The following GLT8D2 variants were observed in gnomAD, a reference collection of about 807,000 sequenced individuals.
The protein encoded by GLT8D2 is glycosyltransferase 8 domain-containing protein 2.
A neutral mutation model predicts 44.5 loss-of-function variants in GLT8D2; 45 were observed. The ratio of observed to expected loss-of-function variants is 1.01; its 90% CI spans 0.80 to 1.30. GLT8D2 has a LOEUF of 1.30. Among genes scored for constraint, GLT8D2 ranks in the 50% most tolerant of loss-of-function variants. The pLI is 0.00. For synonymous variants in GLT8D2, 156 were observed against 157.2 expected, an observed-to-expected ratio of 0.99 and a Z score of 0.06; for missense variants, 400 against 430.4, an observed-to-expected ratio of 0.93 and a Z score of 0.62.
rs11340919 is a variant in GLT8D2, at chr12:103,991,823, TAAAAAAAAAA to T, written c.880+1559_880+1568del. ...ACTCAGCCTCCACAATTACGTCCTT[TAAAAAAAAAA>T]AAAAAAAAAAAAGATTATGGGACAT... is the stretch of plus-strand genomic sequence containing the variant. On this transcript the variant is annotated intron_variant, in intron 10 of 10. Transcript: ENST00000360814. Among the ~76,000 whole-genome samples, 6 of 123,174 alleles carry T rather than the reference TAAAAAAAAAA, an allele frequency of 4.9e-5. No individual in the cohort carries two copies. The South Asian group carries it at 1.1e-3, about 22-fold the overall frequency. 80.8% of individuals were successfully genotyped at this position (123,174 alleles called of 152,430 possible).
At chr12:104,016,406 G>C (rs1481901189) in intron 3 of GLT8D2, among the ~76,000 whole-genome samples, 1 of 152,076 alleles carries the variant, frequency 6.6e-6, no homozygotes, top group African/African-American at 2.4e-5. Flanking sequence ...GGAGGCCAAG[G>C]CAGGTGGATC....
chr12:104,045,937 A>AAGAAAAAG (rs68019401), intron 1 of GLT8D2, among the ~76,000 whole-genome samples: 5 of 113,566 alleles, frequency 4.4e-5, no homozygotes, highest in Admixed American at 1.7e-4. Flanking sequence ...GAAAGAAAGA[A>AAGAAAAAG]AAAGAAAGAA....
Position 103,989,283 on chromosome 12 carries a change from T to G in GLT8D2, c.*125A>C. On this transcript the variant is annotated 3_prime_UTR_variant, in exon 11 of 11. Coordinates refer to ENST00000360814, the MANE Select transcript of GLT8D2 (RefSeq NM_001384711.1). Reference sequence around the variant, plus strand: ...CAAGGTATAATTTGCACACAGTAGTTTTTGGTTTTTATATTGTGGATCATA... The same window carrying G: ...CAAGGTATAATTTGCACACAGTAGTGTTTGGTTTTTATATTGTGGATCATA... 7 of 764,080 alleles carry G rather than the reference T, an allele frequency of 9.2e-6. No individual in the cohort carries two copies. The allele number at this position is 764,080 out of a possible 1,614,324, so 47.3% of individuals were successfully genotyped here.
intron 1 of GLT8D2, among the ~76,000 whole-genome samples, chr12:104,028,015 G>A (rs1374745720): frequency 6.6e-6 from 1 of 152,190 alleles, no homozygotes; most frequent in African/African-American, 2.4e-5. Flanking sequence ...CACTCCAGAG[G>A]CAGAGGAATA....
intron 3 of GLT8D2, among the ~76,000 whole-genome samples, chr12:104,016,826 A>AAAAAAAG (rs1876852661): frequency 2.8e-5 from 2 of 72,498 alleles, no homozygotes; most frequent in South Asian, 5.7e-4. Flanking sequence ...AAAGAGAAAG[A>AAAAAAAG]AAAGAAAGAA....
rs1335650541 is a variant in GLT8D2 at position 104,039,481 on chromosome 12, C to T, written c.-164+10414G>A. On this transcript the variant is annotated intron_variant, in intron 1 of 10. Transcript: ENST00000360814. ...ACAAACAACCCCATCAAAAAGTGGG[C>T]GAAGGATATGAACAGACACTTCTCA... is the stretch of plus-strand genomic sequence containing the variant. Among the ~76,000 whole-genome samples, 65 of 151,372 alleles carry T rather than the reference C, an allele frequency of 4.3e-4. 1 individual carries two copies. Among genetic ancestry groups the T allele is most frequent in the Non-Finnish European group, 4.4e-4 (30 of 67,796 alleles).
Position 104,031,448 on chromosome 12 carries a change from T to G in GLT8D2, c.-163-9957A>C, listed in dbSNP as rs1384932714. On this transcript the variant is annotated intron_variant, in intron 1 of 10. Coordinates refer to ENST00000360814, the MANE Select transcript of GLT8D2 (RefSeq NM_001384711.1). Reference sequence around the variant, plus strand: ...CATTGTCTATGAATTGGACAAGAACTTGAAGCCTATCAAGCCCATGCAGTT... The same window carrying G: ...CATTGTCTATGAATTGGACAAGAACGTGAAGCCTATCAAGCCCATGCAGTT... The G allele has an allele frequency of 9.9e-6, 16 of 1,612,696 alleles. No individual in the cohort carries two copies. The African/African-American group carries it at 2.0e-4, about 20-fold the overall frequency.
At chr12:103,999,576 T>C (rs1873937903) in intron 5 of GLT8D2, 62 bp from the exon 6 acceptor site, 2 of 950,490 alleles carry the variant, frequency 2.1e-6, no homozygotes, top group East Asian at 2.4e-5. Flanking sequence ...ATTTGCCTAT[T>C]GCCCCAAGGT....
rs954853592 is a variant in GLT8D2, at chr12:104,003,294, T to C, written c.125A>G (p.Glu42Gly). 1 of 1,613,976 alleles carries C rather than the reference T, an allele frequency of 6.2e-7. No homozygotes were observed. The highest frequency in any genetic ancestry group is 1.7e-5 in the Admixed American group (1 of 60,004). ...CTCTTCTTCCAGTTCTTCAGGAGTC[T>C]CGGATTCATCATCTGGAAACATAAA... ...VPKNDADDES[E>G]TPEELEEEIP... is the part of the protein sequence containing the mutation. Residue 42 changes from glutamate to glycine, a missense_variant, in exon 5 of 11, where the codon GAG becomes GGG. Transcript: ENST00000360814.
chr12:104,019,843 A>G (rs903570099), intron 2 of GLT8D2, among the ~76,000 whole-genome samples, 167 bp from the exon 3 acceptor site: 1 of 152,178 alleles, frequency 6.6e-6, no homozygotes. Flanking sequence ...ATACTAGCCC[A>G]TGTCTTCAAA....
At position 103,989,257 on chromosome 12, in the gene GLT8D2, C is replaced by T. The variant is rs951094292; in HGVS notation, c.*151G>A. The T allele has an allele frequency of 1.8e-6, 1 of 569,772 alleles. No homozygotes were observed. The allele number at this position is 569,772 out of a possible 1,614,324, so 35.3% of individuals were successfully genotyped here. ...AGAAGTTAATCAATGCCTATATGGTCCAAGGTATAATTTGCACACAGTAGT... is the reference window on the plus strand; with the variant it reads ...AGAAGTTAATCAATGCCTATATGGTTCAAGGTATAATTTGCACACAGTAGT... On this transcript the variant is annotated 3_prime_UTR_variant, in exon 11 of 11. Transcript: ENST00000360814.
chr12:104,024,420 G>C (rs1016939217), intron 1 of GLT8D2, among the ~76,000 whole-genome samples: 1 of 152,002 alleles, frequency 6.6e-6, no homozygotes, highest in Non-Finnish European at 1.5e-5. Flanking sequence ...GTGACAGAGA[G>C]AGACCTTGTC....
intron 1 of GLT8D2, among the ~76,000 whole-genome samples, chr12:104,029,480 G>A (rs1878986487): frequency 6.6e-6 from 1 of 152,156 alleles, no homozygotes; most frequent in South Asian, 2.1e-4. Context: ...GGGGTGAAAG[G>A]TCAAGAGGTT....
chr12:104,031,064 A>C (rs1879192851), intron 1 of GLT8D2: 1 of 923,816 alleles, frequency 1.1e-6, no homozygotes, highest in Non-Finnish European at 1.6e-6. Flanking sequence ...TGGGGGTCTA[A>C]CCGGTCTCAA....
intron 3 of GLT8D2, among the ~76,000 whole-genome samples, chr12:104,019,237 C>T (rs1385207190): frequency 6.6e-6 from 1 of 151,718 alleles, no homozygotes; most frequent in Non-Finnish European, 1.5e-5. Flanking sequence ...AAGTGATCCC[C>T]CTGCCTCAGC....
intron 4 of GLT8D2, chr12:104,014,314 C>T: frequency 1.4e-6 from 1 of 700,072 alleles, no homozygotes; most frequent in Non-Finnish European, 2.6e-6. Context: ...GCTATTGTGC[C>T]ACTGTATTTG....
intron 1 of GLT8D2, among the ~76,000 whole-genome samples, chr12:104,033,066 G>A (rs1274259830): frequency 1.3e-5 from 2 of 152,056 alleles, no homozygotes; most frequent in African/African-American, 4.8e-5. Context: ...ATTTTTAGTA[G>A]AGACAGGGTT....
intron 1 of GLT8D2, among the ~76,000 whole-genome samples, chr12:104,058,170 T>C (rs183261946): frequency 1.7e-3 from 254 of 152,324 alleles, no homozygotes; most frequent in African/African-American, 5.7e-3. Flanking sequence ...CTTCTAGTGG[T>C]TGAGGCTGGG....
rs567370395 is a variant in GLT8D2, at chr12:104,055,885, A to G, written c.-422-5597T>C. 3.3e-5 allele frequency among the ~76,000 whole-genome samples: 5 copies of G among 152,270 alleles called. No individual in the cohort carries two copies. In the East Asian group the frequency reaches 9.7e-4, roughly 29 times the overall value. On this transcript the variant is annotated intron_variant, in intron 1 of 10. Transcript: ENST00000548660. ...ATGGCTGGGCTCCAAGATCACACATATGGGGCAGGAATTACCATAGCAGCC... is the reference window on the plus strand; with the variant it reads ...ATGGCTGGGCTCCAAGATCACACATGTGGGGCAGGAATTACCATAGCAGCC...
Sources: gnomAD v4.1 joint callset for allele counts (sites outside exome capture counted in the v4.1 genomes callset) on GRCh38, gnomAD v4.1.1 for gene constraint, MANE v1.5 for transcripts, NCBI Gene and HGNC (gene_info 2026-07-23, HGNC 2026-07-21) for gene names.